The following OSBPL3 variants were observed in gnomAD, a reference collection of about 807,000 sequenced individuals.
OSBPL3 encodes the protein oxysterol-binding protein-related protein 3.
A neutral mutation model predicts 120.1 loss-of-function variants in OSBPL3; 65 were observed. That is an observed-to-expected ratio of 0.54 (90% confidence interval 0.44 to 0.67). OSBPL3 has a LOEUF of 0.67. OSBPL3 is among the 30% of genes least tolerant of loss of function. The probability of loss-of-function intolerance (pLI) is 0.00; values close to 1 mark genes in which losing one functional copy is unlikely to be tolerated. For synonymous variants in OSBPL3, 416 were observed against 402.6 expected, an observed-to-expected ratio of 1.03 and a Z score of -0.40; for missense variants, 1,004 against 1,082.1, an observed-to-expected ratio of 0.93 and a Z score of 1.01.
intron 2 of OSBPL3, among the ~76,000 whole-genome samples, chr7:24,888,932 T>G (rs753873252): frequency 3.6e-4 from 55 of 152,318 alleles, no homozygotes; most frequent in Middle Eastern, 6.8e-3. Context: ...TAAAAAACCA[T>G]GTCTTCCAGC....
chr7:24,896,431 G>A lies in OSBPL3; in HGVS notation c.-149-3810C>T, dbSNP rs542737978. 6.6e-6 allele frequency among the ~76,000 whole-genome samples: 1 copy of A among 152,358 alleles called. No homozygotes were observed. The highest frequency in any genetic ancestry group is 2.4e-5 in the African/African-American group (1 of 41,572). Reference sequence around the variant, plus strand: ...TTGGTTAAAAGTCAAATGGACACATGACATGCAAACATAAGCTGTCCTGGG... The same window carrying A: ...TTGGTTAAAAGTCAAATGGACACATAACATGCAAACATAAGCTGTCCTGGG... On this transcript the variant is annotated intron_variant, in intron 1 of 22. Coordinates refer to ENST00000313367, the MANE Select transcript of OSBPL3 (RefSeq NM_015550.4). The surrounding 1 kb of genome is among the most constrained non-coding windows in gnomAD (Gnocchi z 4.4).
intron 19 of OSBPL3, among the ~76,000 whole-genome samples, chr7:24,811,344 G>C (rs753513125): frequency 9.9e-5 from 15 of 151,970 alleles, no homozygotes; most frequent in Non-Finnish European, 1.3e-4. Context: ...CATCTCTTCA[G>C]GTCCTTTGTT....
At position 24,933,725 on chromosome 7, in the gene OSBPL3, T is replaced by C. The variant is rs1812063665; in HGVS notation, c.-149-41104A>G. Among the ~76,000 whole-genome samples the C allele has an allele frequency of 6.6e-6, 1 of 152,236 alleles. No individual in the cohort carries two copies. The highest frequency in any genetic ancestry group is 2.4e-5 in the African/African-American group (1 of 41,468). ...GGCAAGTATTTGCCTATGCTCTCAG[T>C]TCTGATCATAAGTTGATATTTAAAT... On this transcript the variant is annotated intron_variant, in intron 1 of 22. Transcript: ENST00000313367. This position sits in a 1 kb window ranked among gnomAD's most constrained non-coding sequence, Gnocchi z 5.1.
At chr7:24,839,967 G>A (rs1254531052) in intron 14 of OSBPL3, among the ~76,000 whole-genome samples, 1 of 113,190 alleles carries the variant, frequency 8.8e-6, no homozygotes, top group Non-Finnish European at 1.6e-5. Context: ...CTCCAGCCTG[G>A]GGACAGAAAG....
At chr7:24,825,183 G>C (rs1174573203) in intron 16 of OSBPL3, among the ~76,000 whole-genome samples, 1 of 152,198 alleles carries the variant, frequency 6.6e-6, no homozygotes, top group Non-Finnish European at 1.5e-5. Flanking sequence ...CTGGAAACAG[G>C]AGACCAGTAG....
At chr7:24,870,425 A>G (rs1801940449) in intron 5 of OSBPL3, among the ~76,000 whole-genome samples, 1 of 152,206 alleles carries the variant, frequency 6.6e-6, no homozygotes, top group South Asian at 2.1e-4. Flanking sequence ...GTTCTTCACT[A>G]AAGATGTTAC....
chr7:24,962,331 A>G (rs1246782123), intron 1 of OSBPL3, among the ~76,000 whole-genome samples: 3 of 149,076 alleles, frequency 2.0e-5, no homozygotes, highest in Admixed American at 1.3e-4. Flanking sequence ...CAGAAAGACA[A>G]GAAAGATAAG....
chr7:24,942,253 A>AC (rs1813189413), intron 1 of OSBPL3, among the ~76,000 whole-genome samples: 1 of 152,176 alleles, frequency 6.6e-6, no homozygotes. Flanking sequence ...AACCACATTT[A>AC]CTAAATAGTC....
intron 1 of OSBPL3, among the ~76,000 whole-genome samples, chr7:24,921,288 C>A (rs1370129105): frequency 1.3e-5 from 2 of 152,120 alleles, no homozygotes; most frequent in Non-Finnish European, 2.9e-5. Context: ...CATATTCACA[C>A]AAACCAACCC....
In OSBPL3 at chr7:24,850,923, T is replaced by C. The variant is rs145364617; in HGVS notation, c.1158+1581A>G. 6.1e-4 allele frequency among the ~76,000 whole-genome samples: 93 copies of C among 152,320 alleles called. 1 individual carries two copies. Among genetic ancestry groups the C allele is most frequent in the African/African-American group, 2.1e-3 (88 of 41,564 alleles). On this transcript the variant is annotated intron_variant, in intron 11 of 22. Coordinates refer to ENST00000313367, the MANE Select transcript of OSBPL3 (RefSeq NM_015550.4). ...TCCAAGCCAAAAAGGAAAGAAAGGA[T>C]CATTCGGTTTTATCTGAAGTTTCCA... is the stretch of plus-strand genomic sequence containing the variant.
intron 5 of OSBPL3, among the ~76,000 whole-genome samples, chr7:24,868,031 A>G (rs1801577520): frequency 6.6e-6 from 1 of 152,188 alleles, no homozygotes; most frequent in Non-Finnish European, 1.5e-5. Flanking sequence ...CTTAAAAGTC[A>G]ATTTTGGCTG....
At position 24,849,393 on chromosome 7, in the gene OSBPL3, C is replaced by T. The variant is rs1584365434; in HGVS notation, c.1159-217G>A. The stretch of plus-strand genomic sequence containing the variant: ...ACAAACCTGGGCTCTGGAAATGATG[C>T]TCTTTTTCTTTTCTCATTCCAGACA... On this transcript the variant is annotated intron_variant, in intron 11 of 22. Transcript: ENST00000313367. This position sits in a 1 kb window ranked among gnomAD's most constrained non-coding sequence, Gnocchi z 5.4. The T allele has an allele frequency of 2.8e-6, 1 of 357,492 alleles. No individual in the cohort carries two copies. Among genetic ancestry groups the T allele is most frequent in the Middle Eastern group, 8.1e-4 (1 of 1,228 alleles). The allele number at this position is 357,492 out of a possible 1,614,324, so 22.1% of individuals were successfully genotyped here. A position where few individuals can be genotyped will look rare whatever the true frequency, so the allele number is the denominator to read the frequency against.
intron 1 of OSBPL3, among the ~76,000 whole-genome samples, chr7:24,906,888 C>G (rs1363968252): frequency 1.3e-5 from 2 of 152,130 alleles, no homozygotes; most frequent in Admixed American, 6.5e-5. Context: ...CTGCTCCCTA[C>G]CCCCACACTC....
Position 24,930,643 on chromosome 7 carries a change from A to AC in OSBPL3, c.-149-38023_-149-38022insG, listed in dbSNP as rs1405057242. Among the ~76,000 whole-genome samples the AC allele has an allele frequency of 2.0e-5, 3 of 152,172 alleles. No individual in the cohort carries two copies. The highest frequency in any genetic ancestry group is 4.4e-5 in the Non-Finnish European group (3 of 68,034). The stretch of plus-strand genomic sequence containing the variant: ...AATAAAGCCATCAATTCAGTTGGTC[A>AC]TTAACCTTTCCAGGTTAACCTCTTA... On this transcript the variant is annotated intron_variant, in intron 1 of 22. Transcript: ENST00000313367. The surrounding 1 kb of genome is among the most constrained non-coding windows in gnomAD (Gnocchi z 4.4).
intron 1 of OSBPL3, among the ~76,000 whole-genome samples, chr7:24,907,888 G>C (rs1289314463): frequency 1.3e-5 from 2 of 152,216 alleles, no homozygotes; most frequent in Non-Finnish European, 2.9e-5. Context: ...TCTGTGGAAA[G>C]TAATTTACAA....
At chr7:24,828,869 A>C (rs944046638) in intron 16 of OSBPL3, among the ~76,000 whole-genome samples, 3 of 152,164 alleles carry the variant, frequency 2.0e-5, no homozygotes, top group Admixed American at 6.5e-5. Flanking sequence ...AGGTCTGTAC[A>C]TCCTACACCC....
At chr7:24,811,400 T>C (rs1479083215) in intron 19 of OSBPL3, among the ~76,000 whole-genome samples, 1 of 152,240 alleles carries the variant, frequency 6.6e-6, no homozygotes, top group Non-Finnish European at 1.5e-5. Context: ...TCTCTATTCA[T>C]TTTTTATATT....
chr7:24,803,563 G>A lies in OSBPL3; in HGVS notation c.2567+752C>T, dbSNP rs1792639527. 6.6e-6 allele frequency among the ~76,000 whole-genome samples: 1 copy of A among 152,076 alleles called. No individual in the cohort carries two copies. The highest frequency in any genetic ancestry group is 1.5e-5 in the Non-Finnish European group (1 of 68,012). On this transcript the variant is annotated intron_variant, in intron 22 of 22. Transcript: ENST00000313367. This position sits in a 1 kb window ranked among gnomAD's most constrained non-coding sequence, Gnocchi z 4.2. ...TGAGGCAGGTGGATCACGAGGTCAG[G>A]AGATTGAGACCATCCTGGCCAACAA...
intron 10 of OSBPL3, among the ~76,000 whole-genome samples, chr7:24,857,771 T>C (rs1800019747): frequency 6.6e-6 from 1 of 152,212 alleles, no homozygotes; most frequent in Admixed American, 6.5e-5. Context: ...TGAAAGTCAC[T>C]GAGTTAAACA....
Sources: allele counts gnomAD v4.1 joint callset (sites outside exome capture counted in the v4.1 genomes callset), GRCh38; gene constraint gnomAD v4.1.1; non-coding constraint Gnocchi (gnomAD v3.1); transcripts MANE v1.5; gene names NCBI Gene and HGNC (gene_info 2026-07-23, HGNC 2026-07-21).